The following DZIP3 variants were observed in gnomAD, a reference collection of about 807,000 sequenced individuals.
The protein encoded by DZIP3 is DAZ interacting zinc finger protein 3, also known as E3 ubiquitin-protein ligase DZIP3.
Under a neutral mutation model 162.0 loss-of-function variants are expected in DZIP3, and 118 were observed. The observed-to-expected ratio is 0.73, with a 90% CI of 0.63 to 0.85. The LOEUF (loss-of-function observed/expected upper bound fraction) is 0.85. DZIP3 is among the 40% of genes least tolerant of loss of function. DZIP3 has a pLI of 0.00. For missense variants in DZIP3, 1,331 were observed against 1,407.0 expected, an observed-to-expected ratio of 0.95 and a Z score of 0.86; for synonymous variants, 438 against 458.6, an observed-to-expected ratio of 0.96 and a Z score of 0.57.
intron 12 of DZIP3, among the ~76,000 whole-genome samples, chr3:108,641,798 C>T (rs1942412028): frequency 6.6e-6 from 1 of 152,150 alleles, no homozygotes; most frequent in South Asian, 2.1e-4. Context: ...ACAACCACCA[C>T]CAAAATCCCT....
At position 108,669,663 on chromosome 3, in the gene DZIP3, TCTTG is replaced by T; in HGVS notation, c.2424-13_2424-10del. The T allele has an allele frequency of 6.2e-7, 1 of 1,608,912 alleles. No homozygotes were observed. Among genetic ancestry groups the T allele is most frequent in the Non-Finnish European group, 8.5e-7 (1 of 1,176,866 alleles). On this transcript the variant is annotated splice_polypyrimidine_tract_variant and intron_variant, in intron 21 of 32. Coordinates refer to ENST00000361582, the MANE Select transcript of DZIP3 (RefSeq NM_014648.4). ...AATAATTTCTAACATCTTTTGACTT[TCTTG>T]CTTGTTTGCTTAGATTACAGCGTCA...
At chr3:108,688,249 C>T (rs962656762) in intron 29 of DZIP3, among the ~76,000 whole-genome samples, 153 bp downstream of exon 29, 3 of 152,158 alleles carry the variant, frequency 2.0e-5, no homozygotes, top group Non-Finnish European at 4.4e-5. Context: ...TTCAACTTAA[C>T]AAATGATATC....
chr3:108,668,519 C>G (rs1943778926), intron 21 of DZIP3, among the ~76,000 whole-genome samples: 1 of 151,918 alleles, frequency 6.6e-6, no homozygotes, highest in African/African-American at 2.4e-5. Flanking sequence ...TAAACTAGAG[C>G]TGGGTAAAAT....
rs771276390 is a variant in DZIP3 at position 108,644,350 on chromosome 3, A to G, written c.1328A>G (p.His443Arg). 1.9e-6 allele frequency: 3 copies of G among 1,614,126 alleles called. No individual in the cohort carries two copies. The highest frequency in any genetic ancestry group is 2.5e-6 in the Non-Finnish European group (3 of 1,179,988). The stretch of plus-strand genomic sequence containing the variant: ...TACTACAACCATCTTTGGACCAATC[A>G]TCCTTTGGGTGGATCATGGCATCTG... ...ESYYNHLWTN[H>R]PLGGSWHLLY... Residue 443 changes from histidine to arginine, a missense_variant, in exon 14 of 33, where the codon CAT (histidine) becomes CGT (arginine). Physicochemically the swap from His to Arg is conservative, Grantham distance 29. This residue lies in a region of DZIP3 where 1,278 missense variants were observed against 1,317.1 expected (regional missense o/e 0.97). Coordinates refer to ENST00000361582, the MANE Select transcript of DZIP3 (RefSeq NM_014648.4).
chr3:108,653,352 C>T (rs970955849), intron 18 of DZIP3, among the ~76,000 whole-genome samples: 11 of 151,302 alleles, frequency 7.3e-5, no homozygotes, highest in African/African-American at 2.7e-4. Context: ...TCATATCACA[C>T]TCTAAGTAAA....
intron 21 of DZIP3, among the ~76,000 whole-genome samples, chr3:108,668,871 C>T (rs537178861): frequency 1.3e-5 from 2 of 151,934 alleles, no homozygotes; most frequent in South Asian, 4.2e-4. Context: ...TCCATTTATC[C>T]CAAGAATTTC....
chr3:108,683,016 G>A lies in DZIP3; in HGVS notation c.2884-1200G>A, dbSNP rs957017293. 2.7e-5 allele frequency among the ~76,000 whole-genome samples: 4 copies of A among 150,826 alleles called. No individual in the cohort carries two copies. In the South Asian group the frequency reaches 8.3e-4, roughly 31 times the overall value. On this transcript the variant is annotated intron_variant, in intron 26 of 32. Transcript: ENST00000361582. ...TACATGTAAAAAATTTGACACATAT[G>A]TAAAAAATAGTATAATCAACCTCTT...
chr3:108,680,464 A>G (rs1944264973), intron 26 of DZIP3, among the ~76,000 whole-genome samples: 1 of 152,132 alleles, frequency 6.6e-6, no homozygotes, highest in Non-Finnish European at 1.5e-5. Context: ...AAATCAACAT[A>G]CAAGAATCAA....
intron 3 of DZIP3, among the ~76,000 whole-genome samples, chr3:108,610,756 G>A (rs894972581): frequency 3.3e-5 from 5 of 152,152 alleles, no homozygotes; most frequent in Non-Finnish European, 5.9e-5. Context: ...AACAATTACT[G>A]TGCCTTATTA....
intron 10 of DZIP3, chr3:108,635,370 G>T: frequency 3.2e-6 from 1 of 313,928 alleles, no homozygotes; most frequent in Non-Finnish European, 6.2e-6. Context: ...ACAGTTTTAA[G>T]GATTTCCATT....
At position 108,694,155 on chromosome 3, in the gene DZIP3, A is replaced by G. The variant is rs1013239752; in HGVS notation, c.*802A>G. 4 of 152,160 alleles carry G rather than the reference A, an allele frequency of 2.6e-5. No homozygotes were observed. The highest frequency in any genetic ancestry group is 5.9e-5 in the Non-Finnish European group (4 of 68,034). The allele number at this position is 152,160 out of a possible 1,614,324, so 9.4% of individuals were successfully genotyped here. A position where few individuals can be genotyped will look rare whatever the true frequency, so the allele number is the denominator to read the frequency against. On this transcript the variant is annotated 3_prime_UTR_variant, in exon 33 of 33. Coordinates refer to ENST00000361582, the MANE Select transcript of DZIP3 (RefSeq NM_014648.4). Reference sequence around the variant, plus strand: ...TGCCTCCATATTTCAGTGCAAATATATTTTGAAGTTACTTTTAAATATTTA... The same window carrying G: ...TGCCTCCATATTTCAGTGCAAATATGTTTTGAAGTTACTTTTAAATATTTA...
chr3:108,611,863 G>A (rs760893598), intron 4 of DZIP3, among the ~76,000 whole-genome samples: 46 of 151,882 alleles, frequency 3.0e-4, no homozygotes, highest in Non-Finnish European at 5.4e-4. Context: ...TACTTGGGAG[G>A]CTGAGGCAGG....
chr3:108,617,625 T>G (rs141067382), intron 5 of DZIP3, among the ~76,000 whole-genome samples: 61 of 152,320 alleles, frequency 4.0e-4, no homozygotes, highest in Non-Finnish European at 7.5e-4. Context: ...ATTATAATGA[T>G]GTACAAAGAG....
chr3:108,681,147 C>A (rs1482066415), intron 26 of DZIP3, among the ~76,000 whole-genome samples: 1 of 152,080 alleles, frequency 6.6e-6, no homozygotes, highest in Non-Finnish European at 1.5e-5. Flanking sequence ...GAACAGGCAA[C>A]CTACAGAATA....
rs980901386 is a variant in DZIP3, at chr3:108,665,767, C to T, written c.2423+3510C>T. 9.2e-5 allele frequency among the ~76,000 whole-genome samples: 14 copies of T among 152,106 alleles called. No homozygotes were observed. In the East Asian group the frequency reaches 2.5e-3, roughly 27 times the overall value. On this transcript the variant is annotated intron_variant, in intron 21 of 32. Coordinates refer to ENST00000361582, the MANE Select transcript of DZIP3 (RefSeq NM_014648.4). ...GTAATTTGAATGACAACAGATTTTT[C>T]GTTTGAAACCATGAAGGCCAGAATG...
At chr3:108,612,461 C>T (rs796901498) in intron 4 of DZIP3, among the ~76,000 whole-genome samples, 1 of 152,024 alleles carries the variant, frequency 6.6e-6, no homozygotes, top group Non-Finnish European at 1.5e-5. Flanking sequence ...TTAGAAACAA[C>T]AAGACAGAAA....
intron 9 of DZIP3, 61 bp downstream of exon 9, chr3:108,633,133 T>C: frequency 1.3e-6 from 1 of 771,012 alleles, no homozygotes; most frequent in Non-Finnish European, 1.7e-6. Context: ...TATATAACTA[T>C]ATAAAATAAT....
At chr3:108,622,238 G>A (rs1194603462) in intron 5 of DZIP3, among the ~76,000 whole-genome samples, 1 of 152,286 alleles carries the variant, frequency 6.6e-6, no homozygotes, top group Non-Finnish European at 1.5e-5. Flanking sequence ...GGGAAGGGTA[G>A]GTGGGGGTTG....
rs1576422450 is a variant in DZIP3, at chr3:108,654,307, G to C, written c.2196G>C (p.Glu732Asp). ...LDELHILDMI[E>D]QGSAGKVTTD... ...AATTGCATATTCTGGACATGATAGA[G>C]CAGGTAAGCATGATTAGAGAGGGTG... Residue 732 changes from glutamate (E) to aspartate (D), a missense_variant, in exon 19 of 33, where the codon GAG (glutamate) becomes GAC (aspartate). Around this residue, in one of 2 missense-constraint regions of DZIP3, gnomAD observed 1,278 missense variants for 1,317.1 expected, o/e 0.97. Transcript: ENST00000361582. The C allele has an allele frequency of 6.2e-7, 1 of 1,613,528 alleles. No homozygotes were observed. Among genetic ancestry groups the C allele is most frequent in the East Asian group, 2.2e-5 (1 of 44,834 alleles).
Sources: allele counts gnomAD v4.1 joint callset (sites outside exome capture counted in the v4.1 genomes callset), GRCh38; gene constraint gnomAD v4.1.1; regional missense constraint gnomAD v4.1.1; transcripts MANE v1.5; gene names NCBI Gene and HGNC (gene_info 2026-07-23, HGNC 2026-07-21).